Variants in TBC1D22A observed in about 807,000 individuals in gnomAD.
The protein encoded by TBC1D22A is TBC1 domain family member 22A.
TBC1D22A carries 38 observed loss-of-function variants against 60.2 expected under a neutral mutation model. That is an observed-to-expected ratio of 0.63 (90% CI 0.49 to 0.83). The LOEUF is 0.83. TBC1D22A is among the 40% of genes least tolerant of loss of function. The pLI is 0.00. For missense variants in TBC1D22A, 628 were observed against 701.0 expected (o/e 0.90, Z 1.18); for synonymous variants, 302 against 281.7 (o/e 1.07, Z -0.72).
rs1054902366 is a variant in TBC1D22A at position 47,173,838 on chromosome 22, G to A, written c.*212G>A. 5.3e-6 allele frequency: 4 copies of A among 758,268 alleles called. No individual in the cohort carries two copies. Among genetic ancestry groups the A allele is most frequent in the Admixed American group, 6.6e-5 (2 of 30,456 alleles). The allele number at this position is 758,268 out of a possible 1,614,324, so 47.0% of individuals were successfully genotyped here. On this transcript the variant is annotated 3_prime_UTR_variant, in exon 13 of 13. Coordinates refer to ENST00000337137, the MANE Select transcript of TBC1D22A (RefSeq NM_014346.5). ...TTTGTTTTCTGAGATACCAAAGAGA[G>A]CCAGGGGAGGGCCCCGGGTTCGGCG... is the stretch of plus-strand genomic sequence containing the variant.
At chr22:47,153,585 A>C (rs1386845694) in intron 12 of TBC1D22A, among the ~76,000 whole-genome samples, 1 of 151,752 alleles carries the variant, frequency 6.6e-6, no homozygotes, top group Non-Finnish European at 1.5e-5. Flanking sequence ...CGGGCAAGGG[A>C]AAAGGGAGGA....
At chr22:47,038,933 A>G (rs1018732570) in intron 11 of TBC1D22A, among the ~76,000 whole-genome samples, 6 of 152,208 alleles carry the variant, frequency 3.9e-5, no homozygotes, top group Non-Finnish European at 1.5e-5. Flanking sequence ...TCTCTGTAAC[A>G]TGACAGGAAA....
At chr22:46,912,873 G>A (rs1438445438) in intron 8 of TBC1D22A, among the ~76,000 whole-genome samples, 2 of 152,106 alleles carry the variant, frequency 1.3e-5, no homozygotes, top group Non-Finnish European at 2.9e-5. Context: ...GAATTTAAAT[G>A]GATAAGATTA....
intron 4 of TBC1D22A, among the ~76,000 whole-genome samples, chr22:46,872,645 AAG>A (rs1352706778): frequency 6.6e-6 from 1 of 152,228 alleles, no homozygotes; most frequent in East Asian, 1.9e-4. Flanking sequence ...GCAGCAGCAT[AAG>A]TGGGGGAACC....
intron 8 of TBC1D22A, chr22:46,913,310 G>A (rs1474430685): frequency 7.3e-7 from 1 of 1,364,176 alleles, no homozygotes; most frequent in Non-Finnish European, 9.8e-7. Flanking sequence ...GTGCTCGCCT[G>A]TTGTTATTAC....
chr22:47,007,765 C>T (rs1031611867), intron 10 of TBC1D22A, among the ~76,000 whole-genome samples: 5 of 152,140 alleles, frequency 3.3e-5, no homozygotes, highest in African/African-American at 9.7e-5. Context: ...TATAGGGACA[C>T]TAATCCTGTG....
chr22:46,866,295 A>G (rs900252201), intron 4 of TBC1D22A, among the ~76,000 whole-genome samples: 4 of 151,996 alleles, frequency 2.6e-5, no homozygotes, highest in Admixed American at 6.6e-5. Flanking sequence ...GTAGAGATGG[A>G]GTTTCACCAT....
At chr22:46,865,378 A>T (rs971030875) in intron 4 of TBC1D22A, among the ~76,000 whole-genome samples, 1 of 152,188 alleles carries the variant, frequency 6.6e-6, no homozygotes, top group Non-Finnish European at 1.5e-5. Flanking sequence ...TAGGTCAGAT[A>T]TTTATTTTAC....
intron 7 of TBC1D22A, among the ~76,000 whole-genome samples, chr22:46,905,818 T>C (rs2069422619): frequency 6.6e-6 from 1 of 152,234 alleles, no homozygotes; most frequent in Admixed American, 6.5e-5. Context: ...TCCATCCTTC[T>C]GGGGGCATGA....
chr22:46,969,082 C>G (rs1239344893), intron 8 of TBC1D22A, among the ~76,000 whole-genome samples: 1 of 152,080 alleles, frequency 6.6e-6, no homozygotes, highest in African/African-American at 2.4e-5. Context: ...ATTCTGACCC[C>G]CAAATGCCCT....
chr22:46,986,046 G>A (rs146102632), intron 9 of TBC1D22A, among the ~76,000 whole-genome samples: 2 of 152,148 alleles, frequency 1.3e-5, no homozygotes, highest in African/African-American at 2.4e-5. Flanking sequence ...TTAGTTTTTT[G>A]GTTTTAGGTC....
At chr22:46,800,005 T>G (rs1419486015) in intron 4 of TBC1D22A, among the ~76,000 whole-genome samples, 3 of 152,188 alleles carry the variant, frequency 2.0e-5, no homozygotes. Context: ...AGTGTATTTC[T>G]TTGTCCCCTT....
chr22:47,136,498 T>C (rs2066876994), intron 12 of TBC1D22A, among the ~76,000 whole-genome samples: 1 of 148,384 alleles, frequency 6.7e-6, no homozygotes, highest in South Asian at 2.1e-4. Flanking sequence ...GGGTGTAAAA[T>C]GCCCTGGCAT....
In TBC1D22A at chr22:47,131,224, G is replaced by A. The variant is rs2066667461; in HGVS notation, c.1425+19621G>A. On this transcript the variant is annotated intron_variant, in intron 12 of 12. Coordinates refer to ENST00000337137, the MANE Select transcript of TBC1D22A (RefSeq NM_014346.5). ...TCACATTCCACCATGAGATTGAGAG[G>A]GCATGGACATTCAAACTGTATCACT... Among the ~76,000 whole-genome samples, 3 of 152,122 alleles carry A rather than the reference G, an allele frequency of 2.0e-5. 1 individual carries two copies. Among genetic ancestry groups the A allele is most frequent in the Non-Finnish European group, 2.9e-5 (2 of 68,026 alleles).
chr22:46,864,154 A>G (rs1464666527), intron 4 of TBC1D22A, among the ~76,000 whole-genome samples: 3 of 152,154 alleles, frequency 2.0e-5, no homozygotes, highest in African/African-American at 7.2e-5. Flanking sequence ...ACACACCCCA[A>G]CTTTCAAATA....
intron 1 of TBC1D22A, among the ~76,000 whole-genome samples, chr22:46,768,921 C>T (rs62233780): frequency 0.057 from 8,710 of 151,904 alleles, 325 homozygotes; most frequent in South Asian, 0.17. Context: ...TGGTGAAACC[C>T]CGTCTCTACT....
intron 4 of TBC1D22A, among the ~76,000 whole-genome samples, chr22:46,837,687 G>T (rs1279458720): frequency 2.0e-5 from 3 of 152,172 alleles, no homozygotes; most frequent in African/African-American, 7.2e-5. Flanking sequence ...AATGAAAATG[G>T]AAATACAGCA....
intron 12 of TBC1D22A, among the ~76,000 whole-genome samples, chr22:47,172,220 G>C (rs1020521034): frequency 1.3e-5 from 2 of 152,010 alleles, no homozygotes; most frequent in Admixed American, 6.5e-5. Context: ...CAGTGAGCCT[G>C]GTGTGTCTAC....
At chr22:47,089,670 C>A (rs575256683) in intron 11 of TBC1D22A, among the ~76,000 whole-genome samples, 1 of 152,296 alleles carries the variant, frequency 6.6e-6, no homozygotes, top group South Asian at 2.1e-4. Context: ...CTTAAAGATC[C>A]TGTCTTGTTT....
Sources: allele counts gnomAD v4.1 joint callset (sites outside exome capture counted in the v4.1 genomes callset), GRCh38; gene constraint gnomAD v4.1.1; transcripts MANE v1.5; gene names NCBI Gene and HGNC (gene_info 2026-07-23, HGNC 2026-07-21).